CTNNA3: variants seen among roughly 807,000 people sequenced by gnomAD.
CTNNA3 encodes the protein catenin alpha-3.
A neutral mutation model predicts 95.7 loss-of-function variants in CTNNA3; 76 were observed. The ratio of observed to expected loss-of-function variants is 0.79; its 90% CI spans 0.66 to 0.96. CTNNA3 has a LOEUF of 0.96. CTNNA3 is among the 40% of genes least tolerant of loss of function. The probability of loss-of-function intolerance (pLI) is 0.00; values close to 1 mark genes in which losing one functional copy is unlikely to be tolerated. For missense variants in CTNNA3, 1,191 were observed against 1,089.8 expected (o/e 1.09, Z -1.31); for synonymous variants, 431 against 374.4 (o/e 1.15, Z -1.74).
intron 7 of CTNNA3, among the ~76,000 whole-genome samples, chr10:67,179,900 A>G (rs915159276): frequency 6.6e-6 from 1 of 152,162 alleles, no homozygotes; most frequent in Non-Finnish European, 1.5e-5. Context: ...AACATAGCTC[A>G]TGATCCCTGT....
chr10:66,863,344 G>A (rs1028656030), intron 7 of CTNNA3, among the ~76,000 whole-genome samples: 5 of 151,942 alleles, frequency 3.3e-5, no homozygotes, highest in Admixed American at 6.6e-5. Flanking sequence ...AAAATCATCC[G>A]CTATATGGCA....
chr10:67,094,176 TATAA>T (rs1164437856), intron 7 of CTNNA3, among the ~76,000 whole-genome samples: 1 of 151,980 alleles, frequency 6.6e-6, no homozygotes, highest in Non-Finnish European at 1.5e-5. Flanking sequence ...ATTTTCTCAT[TATAA>T]ATAATTAGAA....
chr10:66,652,022 A>G (rs1186389044), intron 9 of CTNNA3, among the ~76,000 whole-genome samples: 2 of 151,596 alleles, frequency 1.3e-5, no homozygotes, highest in African/African-American at 4.8e-5. Flanking sequence ...CAGTTCTAAG[A>G]TAGAAGTTTA....
chr10:66,562,243 A>G (rs1217629351), intron 10 of CTNNA3, among the ~76,000 whole-genome samples: 4 of 152,140 alleles, frequency 2.6e-5, no homozygotes, highest in Non-Finnish European at 4.4e-5. Flanking sequence ...GTTTTCATAT[A>G]TAAGGTAACT....
In CTNNA3 at chr10:66,764,616, AAAG is replaced by A. The variant is rs1298243745; in HGVS notation, c.1281+1645_1281+1647del. Among the ~76,000 whole-genome samples the A allele has an allele frequency of 2.6e-5, 4 of 152,194 alleles. No individual in the cohort carries two copies. In the East Asian group the frequency reaches 7.7e-4, roughly 29 times the overall value. The stretch of plus-strand genomic sequence containing the variant: ...GTTTTGCTTTCAGAGGATTTCATAA[AAAG>A]AAGTTGTTTTCATAATTTGGTGTGT... On this transcript the variant is annotated intron_variant, in intron 9 of 17. Coordinates refer to ENST00000433211, the MANE Select transcript of CTNNA3 (RefSeq NM_013266.4).
At position 67,137,729 on chromosome 10, in the gene CTNNA3, C is replaced by A. The variant is rs144520307; in HGVS notation, c.1047+42588G>T. Among the ~76,000 whole-genome samples the A allele has an allele frequency of 3.6e-3, 547 of 152,020 alleles. 5 individuals are homozygous for A. The highest frequency in any genetic ancestry group is 0.012 in the African/African-American group (513 of 41,464). On this transcript the variant is annotated intron_variant, in intron 7 of 17. Transcript: ENST00000433211. ...TGTGTAGGCTTGGTAAAGCCACCTG[C>A]AGAGGAATAAATATGTTTAATTAAA...
At chr10:67,190,918 T>A (rs1863090137) in intron 6 of CTNNA3, among the ~76,000 whole-genome samples, 1 of 152,098 alleles carries the variant, frequency 6.6e-6, no homozygotes, top group African/African-American at 2.4e-5. Context: ...GCCTCATTTT[T>A]AAAAATAGGC....
intron 7 of CTNNA3, among the ~76,000 whole-genome samples, chr10:66,829,169 G>T (rs1178241999): frequency 6.6e-6 from 1 of 152,122 alleles, no homozygotes; most frequent in East Asian, 1.9e-4. Flanking sequence ...CTCCCTTTAT[G>T]GAAAGCAAGT....
intron 7 of CTNNA3, among the ~76,000 whole-genome samples, chr10:67,158,290 T>C (rs1290390107): frequency 6.6e-6 from 1 of 152,090 alleles, no homozygotes; most frequent in African/African-American, 2.4e-5. Flanking sequence ...TATAATACTA[T>C]AGGCCTGGCA....
chr10:67,587,576 A>T (rs1842675230), intron 3 of CTNNA3, among the ~76,000 whole-genome samples: 1 of 152,106 alleles, frequency 6.6e-6, no homozygotes. Flanking sequence ...TGAGAAGTCC[A>T]CTGATAGTTT....
intron 7 of CTNNA3, among the ~76,000 whole-genome samples, chr10:66,911,755 C>A (rs1380740696): frequency 2.0e-5 from 3 of 152,266 alleles, no homozygotes; most frequent in Middle Eastern, 3.4e-3. Flanking sequence ...TATGTCACTA[C>A]TACTTGGTAT....
At chr10:67,424,822 C>A (rs558741206) in intron 5 of CTNNA3, among the ~76,000 whole-genome samples, 4 of 152,126 alleles carry the variant, frequency 2.6e-5, no homozygotes, top group African/African-American at 9.6e-5. Flanking sequence ...CTTTGTTACC[C>A]AAGCATCAAA....
chr10:67,100,772 T>C (rs1366919708), intron 7 of CTNNA3, among the ~76,000 whole-genome samples: 2 of 151,720 alleles, frequency 1.3e-5, no homozygotes, highest in African/African-American at 2.4e-5. Flanking sequence ...TTTGTCTTCA[T>C]AACAACCCTA....
At chr10:67,424,610 C>CT (rs1404009280) in intron 5 of CTNNA3, among the ~76,000 whole-genome samples, 2 of 152,128 alleles carry the variant, frequency 1.3e-5, no homozygotes, top group African/African-American at 4.8e-5. Context: ...CAAAAACTTT[C>CT]TTTTTTATAT....
intron 13 of CTNNA3, among the ~76,000 whole-genome samples, chr10:66,167,717 T>C (rs1248036899): frequency 6.6e-6 from 1 of 152,114 alleles, no homozygotes; most frequent in Non-Finnish European, 1.5e-5. Flanking sequence ...TGGAAAAGGC[T>C]AAGAGAACAG....
At chr10:66,710,461 G>T (rs981910817) in intron 9 of CTNNA3, among the ~76,000 whole-genome samples, 1 of 151,866 alleles carries the variant, frequency 6.6e-6, no homozygotes, top group South Asian at 2.1e-4. Context: ...TTAATGATAT[G>T]CTCCACTGCT....
intron 5 of CTNNA3, among the ~76,000 whole-genome samples, chr10:67,290,689 A>G (rs373431239): frequency 6.6e-6 from 1 of 152,190 alleles, no homozygotes; most frequent in African/African-American, 2.4e-5. Flanking sequence ...CTTTGACTCA[A>G]AGATGTCTGA....
chr10:65,954,161 T>G (rs920792332), intron 17 of CTNNA3, among the ~76,000 whole-genome samples: 6 of 152,244 alleles, frequency 3.9e-5, no homozygotes, highest in Non-Finnish European at 7.3e-5. Flanking sequence ...TTTTCATGTG[T>G]CTGTTGGCTG....
chr10:67,226,259 C>G (rs960459999), intron 5 of CTNNA3, among the ~76,000 whole-genome samples: 3 of 152,166 alleles, frequency 2.0e-5, no homozygotes, highest in Non-Finnish European at 2.9e-5. Context: ...AATTGATGTT[C>G]TGGAGGAAGG....
Sources: gnomAD v4.1 joint callset for allele counts (sites outside exome capture counted in the v4.1 genomes callset) on GRCh38, gnomAD v4.1.1 for gene constraint, MANE v1.5 for transcripts, NCBI Gene and HGNC (gene_info 2026-07-23, HGNC 2026-07-21) for gene names.